NIPA2: variants seen among roughly 807,000 people sequenced by gnomAD.
The protein encoded by NIPA2 is NIPA magnesium transporter 2.
Under a neutral mutation model 29.7 loss-of-function variants are expected in NIPA2, and 11 were observed. The ratio of observed to expected loss-of-function variants is 0.37; its 90% CI spans 0.23 to 0.61. The LOEUF is 0.61. Among genes scored for constraint, NIPA2 ranks in the 20% least tolerant of loss-of-function variants. The pLI is 0.66. For missense variants in NIPA2, 426 were observed against 437.9 expected (o/e 0.97, Z 0.24); for synonymous variants, 183 against 161.9 (o/e 1.13, Z -0.99).
chr15:22,843,242 C>G (rs905073945), intron 2 of NIPA2, among the ~76,000 whole-genome samples: 1 of 151,990 alleles, frequency 6.6e-6, no homozygotes, highest in East Asian at 1.9e-4. Context: ...CGGTGGCTCA[C>G]GCCTGTAATC....
intron 3 of NIPA2, among the ~76,000 whole-genome samples, chr15:22,850,988 C>T (rs919093037): frequency 2.0e-5 from 3 of 152,134 alleles, no homozygotes; most frequent in African/African-American, 7.2e-5. Flanking sequence ...AAAACAATTG[C>T]AGTCTTGGTA....
chr15:22,863,606 G>T (rs2141567854), intron 7 of NIPA2, among the ~76,000 whole-genome samples: 1 of 152,296 alleles, frequency 6.6e-6, no homozygotes, highest in African/African-American at 2.4e-5. Context: ...CACCGTAAGG[G>T]GAAATGCACA....
At chr15:22,844,451 G>A (rs1334019665) in intron 2 of NIPA2, among the ~76,000 whole-genome samples, 1 of 152,098 alleles carries the variant, frequency 6.6e-6, no homozygotes, top group Non-Finnish European at 1.5e-5. Context: ...CTATGCGGGA[G>A]GCTGAGGCAG....
intron 3 of NIPA2, among the ~76,000 whole-genome samples, chr15:22,848,085 A>C (rs2057414755): frequency 6.6e-6 from 1 of 152,210 alleles, no homozygotes; most frequent in Non-Finnish European, 1.5e-5. Flanking sequence ...GGCGTGAGCC[A>C]CCACGCCTGG....
At chr15:22,851,994 T>C in intron 4 of NIPA2, 124 bp downstream of exon 4, 2 of 811,426 alleles carry the variant, frequency 2.5e-6, no homozygotes, top group Non-Finnish European at 3.9e-6. Flanking sequence ...GTTCAAGAGT[T>C]CTAAATGTTT....
intron 2 of NIPA2, among the ~76,000 whole-genome samples, chr15:22,844,469 G>A (rs1038748952): frequency 6.6e-6 from 1 of 152,042 alleles, no homozygotes; most frequent in African/African-American, 2.4e-5. Flanking sequence ...CAGGAGACTT[G>A]CTTGAACCCG....
In NIPA2 at chr15:22,859,517, G is replaced by A. The variant is rs978230577; in HGVS notation, c.287+887G>A. 2.6e-5 allele frequency among the ~76,000 whole-genome samples: 4 copies of A among 152,204 alleles called. No homozygotes were observed. In the East Asian group the frequency reaches 7.7e-4, roughly 29 times the overall value. ...CCATGTTAGCCAGGATGGTCTCGATGTCCTGACCTCGTGATCCACCCGCCT... is the reference window on the plus strand; with the variant it reads ...CCATGTTAGCCAGGATGGTCTCGATATCCTGACCTCGTGATCCACCCGCCT... On this transcript the variant is annotated intron_variant, in intron 6 of 7. Transcript: ENST00000337451.
intron 5 of NIPA2, among the ~76,000 whole-genome samples, chr15:22,857,819 A>G (rs2058302645): frequency 7.1e-6 from 1 of 140,670 alleles, no homozygotes; most frequent in African/African-American, 2.7e-5. Flanking sequence ...CCTGGGCGAT[A>G]GAGCAAGACT....
In NIPA2 at chr15:22,855,378, T is replaced by C. The variant is rs199674054; in HGVS notation, c.196+2110T>C. Among the ~76,000 whole-genome samples the C allele has an allele frequency of 5.9e-4, 89 of 152,092 alleles. No individual in the cohort carries two copies. In the East Asian group the frequency reaches 7.0e-3, roughly 12 times the overall value. ...GTTACAGTGAGCTGAGATTGTGCCGTTGCACTCCAGCCTGGGCAACAAGAG... is the reference window on the plus strand; with the variant it reads ...GTTACAGTGAGCTGAGATTGTGCCGCTGCACTCCAGCCTGGGCAACAAGAG... On this transcript the variant is annotated intron_variant, in intron 5 of 7. Transcript: ENST00000337451.
At chr15:22,843,259 C>T (rs1897622119) in intron 2 of NIPA2, among the ~76,000 whole-genome samples, 1 of 152,074 alleles carries the variant, frequency 6.6e-6, no homozygotes, top group South Asian at 2.1e-4. Flanking sequence ...AATCCCAGCA[C>T]TTTAGGAGGC....
chr15:22,846,120 T>C (rs1321335400), intron 3 of NIPA2, among the ~76,000 whole-genome samples: 3 of 152,208 alleles, frequency 2.0e-5, no homozygotes, highest in African/African-American at 4.8e-5. Context: ...TTTCTTAGTC[T>C]TTCGCTTAGG....
At chr15:22,863,115 G>A (rs538326745) in intron 7 of NIPA2, among the ~76,000 whole-genome samples, 6 of 149,382 alleles carry the variant, frequency 4.0e-5, no homozygotes, top group East Asian at 2.0e-4. Context: ...GAGTCTCGCC[G>A]TCACCCAGGC....
intron 7 of NIPA2, among the ~76,000 whole-genome samples, chr15:22,864,251 T>A (rs1038411849): frequency 5.3e-5 from 8 of 151,928 alleles, no homozygotes; most frequent in Non-Finnish European, 1.0e-4. Context: ...CCCTCCCGGG[T>A]TCACGCCATT....
intron 3 of NIPA2, among the ~76,000 whole-genome samples, chr15:22,848,455 TG>T (rs1308475350): frequency 1.3e-5 from 2 of 152,116 alleles, no homozygotes; most frequent in Non-Finnish European, 2.9e-5. Flanking sequence ...CTTGAACTCC[TG>T]GTTTCAAGCA....
chr15:22,867,409 C>T lies in NIPA2; in HGVS notation c.*562C>T, dbSNP rs777984357. ...ACAAAACAAAAAAAAGGGCAGAAAT[C>T]ACCCCAAGGAACGATTTCTCAGGTT... is the stretch of plus-strand genomic sequence containing the variant. On this transcript the variant is annotated 3_prime_UTR_variant, in exon 8 of 8. Transcript: ENST00000337451. The T allele has an allele frequency of 2.6e-6, 1 of 380,882 alleles. No homozygotes were observed. The highest frequency in any genetic ancestry group is 4.6e-6 in the Non-Finnish European group (1 of 216,042). The allele number at this position is 380,882 out of a possible 1,614,324, so 23.6% of individuals were successfully genotyped here.
intron 6 of NIPA2, 28 bp downstream of exon 6, chr15:22,858,658 A>G (rs2058385431): frequency 7.4e-7 from 1 of 1,348,238 alleles, no homozygotes; most frequent in Non-Finnish European, 1.0e-6. Context: ...ATGTAGAAAC[A>G]GTAGTCGGTA....
chr15:22,853,159 T>C, intron 4 of NIPA2, 53 bp from the exon 5 acceptor site: 1 of 1,180,968 alleles, frequency 8.5e-7, no homozygotes, highest in Middle Eastern at 1.9e-4. Context: ...AGTTATAATT[T>C]ATACAAGAGT....
At chr15:22,841,079 A>G (rs1038244571) in intron 2 of NIPA2, among the ~76,000 whole-genome samples, 5 of 152,122 alleles carry the variant, frequency 3.3e-5, no homozygotes, top group African/African-American at 1.2e-4. Context: ...GATATTCAGG[A>G]TGTACAACTT....
intron 3 of NIPA2, among the ~76,000 whole-genome samples, chr15:22,846,044 C>A (rs1424046318): frequency 2.6e-5 from 4 of 152,136 alleles, no homozygotes; most frequent in African/African-American, 9.7e-5. Context: ...CACCTCTTCA[C>A]CTTGTCAGTG....
Sources: gnomAD v4.1 joint callset for allele counts (sites outside exome capture counted in the v4.1 genomes callset) on GRCh38, gnomAD v4.1.1 for gene constraint, MANE v1.5 for transcripts, NCBI Gene and HGNC (gene_info 2026-07-23, HGNC 2026-07-21) for gene names.